The following OPCML variants were observed in gnomAD, a reference collection of about 807,000 sequenced individuals.
The protein encoded by OPCML is opioid binding protein/cell adhesion molecule like, also known as opioid-binding protein/cell adhesion molecule.
In OPCML, 13 loss-of-function variants were observed where a neutral mutation model predicts 37.8. That is an observed-to-expected ratio of 0.34 (90% CI 0.22 to 0.55). The LOEUF (loss-of-function observed/expected upper bound fraction) is 0.55, where lower values mean the gene tolerates loss of function less well. OPCML is among the 20% of genes least tolerant of loss of function. OPCML has a pLI of 0.91. For missense variants in OPCML, 341 were observed against 435.6 expected (o/e 0.78, Z 1.93); for synonymous variants, 176 against 168.8 (o/e 1.04, Z -0.33).
chr11:132,928,824 G>T (rs2136620274), intron 2 of OPCML, among the ~76,000 whole-genome samples: 1 of 151,872 alleles, frequency 6.6e-6, no homozygotes, highest in East Asian at 1.9e-4. Context: ...AGGAAAACTG[G>T]AAAATCTACA....
intron 1 of OPCML, among the ~76,000 whole-genome samples, chr11:133,238,275 G>T (rs1940599966): frequency 6.6e-6 from 1 of 152,184 alleles, no homozygotes; most frequent in African/African-American, 2.4e-5. Flanking sequence ...TCCATAGGTG[G>T]CTGTTGGGCA....
intron 1 of OPCML, among the ~76,000 whole-genome samples, chr11:133,062,431 G>A (rs979832300): frequency 6.6e-6 from 1 of 152,178 alleles, no homozygotes; most frequent in Non-Finnish European, 1.5e-5. Context: ...GACAAATACT[G>A]CTGAGTAGTT....
intron 1 of OPCML, among the ~76,000 whole-genome samples, chr11:132,962,965 C>G (rs1160239145): frequency 6.6e-6 from 1 of 152,180 alleles, no homozygotes; most frequent in Non-Finnish European, 1.5e-5. Flanking sequence ...CCAGACAGAG[C>G]AGGAGGCCTG....
intron 1 of OPCML, among the ~76,000 whole-genome samples, chr11:133,491,805 C>A (rs974904579): frequency 1.3e-5 from 2 of 152,120 alleles, no homozygotes; most frequent in Admixed American, 6.5e-5. Flanking sequence ...ATTCAGTTAG[C>A]AGAGCCGAAA....
At chr11:133,514,390 GA>G (rs1948219684) in intron 1 of OPCML, among the ~76,000 whole-genome samples, 1 of 152,158 alleles carries the variant, frequency 6.6e-6, no homozygotes, top group Non-Finnish European at 1.5e-5. Flanking sequence ...AAGAGAGAGG[GA>G]AAAACCAAAC....
intron 7 of OPCML, among the ~76,000 whole-genome samples, chr11:132,427,485 A>C (rs2136684274): frequency 6.6e-6 from 1 of 152,292 alleles, no homozygotes; most frequent in South Asian, 2.1e-4. Flanking sequence ...ACAGCGGCAA[A>C]CGTGGCGCTG....
At chr11:133,011,919 T>G (rs528057827) in intron 1 of OPCML, among the ~76,000 whole-genome samples, 2 of 152,304 alleles carry the variant, frequency 1.3e-5, no homozygotes, top group East Asian at 3.9e-4. Context: ...AGTGCTGCCA[T>G]TGTAGGTCAA....
intron 3 of OPCML, among the ~76,000 whole-genome samples, chr11:132,620,212 C>T (rs773889461): frequency 6.6e-6 from 1 of 152,102 alleles, no homozygotes. Flanking sequence ...AGAATGAATC[C>T]AAGTCAGAGC....
At chr11:133,117,747 T>C (rs1301011106) in intron 1 of OPCML, 1 of 960,488 alleles carries the variant, frequency 1.0e-6, no homozygotes, top group Non-Finnish European at 1.2e-6. Flanking sequence ...AAAATGAAAG[T>C]AATGTACAAT....
At chr11:132,815,367 G>T (rs933167063) in intron 2 of OPCML, among the ~76,000 whole-genome samples, 1 of 152,194 alleles carries the variant, frequency 6.6e-6, no homozygotes, top group Non-Finnish European at 1.5e-5. Flanking sequence ...AAGTACGTGA[G>T]GATGGGAAGG....
At chr11:133,495,737 C>T (rs1007610254) in intron 1 of OPCML, among the ~76,000 whole-genome samples, 3 of 151,258 alleles carry the variant, frequency 2.0e-5, no homozygotes, top group African/African-American at 7.3e-5. Flanking sequence ...CTTAACCCAC[C>T]TTTTGATGGG....
At chr11:132,775,367 G>T (rs1946775874) in intron 2 of OPCML, among the ~76,000 whole-genome samples, 1 of 152,200 alleles carries the variant, frequency 6.6e-6, no homozygotes, top group African/African-American at 2.4e-5. Flanking sequence ...GATTTGATGT[G>T]TTGTGATTGC....
rs188147666 is a variant in OPCML at position 133,503,127 on chromosome 11, G to A, written c.61+29137C>T. ...CTAAGCTCCGTGATGGTTTTCTCAC[G>A]TCCTTTTTGCATAAAGAAAGTGAGT... On this transcript the variant is annotated intron_variant, in intron 1 of 7. Transcript: ENST00000524381. Among the ~76,000 whole-genome samples the A allele has an allele frequency of 1.4e-4, 22 of 152,228 alleles. No homozygotes were observed. In the East Asian group the frequency reaches 2.1e-3, roughly 15 times the overall value.
intron 7 of OPCML, among the ~76,000 whole-genome samples, chr11:132,427,452 C>G (rs1307535653): frequency 6.6e-6 from 1 of 152,164 alleles, no homozygotes; most frequent in Non-Finnish European, 1.5e-5. Context: ...TCAAAGGGAA[C>G]TTTTCCTCCA....
chr11:132,435,561 A>G (rs948611392), intron 7 of OPCML, among the ~76,000 whole-genome samples: 1 of 151,522 alleles, frequency 6.6e-6, no homozygotes, highest in Admixed American at 6.6e-5. Context: ...CTCCACCCAT[A>G]TGGGAGGGAA....
In OPCML at chr11:132,840,624, G is replaced by A. The variant is rs116631579; in HGVS notation, c.146+102302C>T. Among the ~76,000 whole-genome samples the A allele has an allele frequency of 2.7e-3, 405 of 152,290 alleles. 6 individuals are homozygous for A. The highest frequency in any genetic ancestry group is 9.3e-3 in the African/African-American group (385 of 41,558). On this transcript the variant is annotated intron_variant, in intron 2 of 7. Transcript: ENST00000524381. Reference sequence around the variant, plus strand: ...ACCTCATTTCCCTAATCCACAGAAAGGGTGTCATAAAATTATTATCACAAG... The same window carrying A: ...ACCTCATTTCCCTAATCCACAGAAAAGGTGTCATAAAATTATTATCACAAG...
At position 133,309,095 on chromosome 11, in the gene OPCML, G is replaced by A. The variant is rs181681067; in HGVS notation, c.61+223169C>T. Among the ~76,000 whole-genome samples, 14 of 152,260 alleles carry A rather than the reference G, an allele frequency of 9.2e-5. No homozygotes were observed. The South Asian group carries it at 2.9e-3, about 32-fold the overall frequency. On this transcript the variant is annotated intron_variant, in intron 1 of 7. Coordinates refer to ENST00000524381, the MANE Select transcript of OPCML (RefSeq NM_001012393.5). ...GAAGTTTACAGTAATGATTGCTTCA[G>A]ACAAGAACCACTGATGAATACTCAA...
intron 2 of OPCML, among the ~76,000 whole-genome samples, chr11:132,899,835 G>C (rs534051719): frequency 4.6e-5 from 7 of 152,108 alleles, no homozygotes; most frequent in African/African-American, 1.4e-4. Flanking sequence ...TTCTTTCCTG[G>C]AGCTCGGATA....
At chr11:133,171,977 T>C (rs1484273977) in intron 1 of OPCML, among the ~76,000 whole-genome samples, 2 of 152,310 alleles carry the variant, frequency 1.3e-5, no homozygotes, top group African/African-American at 4.8e-5. Context: ...GTTCCTTCCA[T>C]AGCATGTGAA....
Sources: allele counts gnomAD v4.1 joint callset (sites outside exome capture counted in the v4.1 genomes callset), GRCh38; gene constraint gnomAD v4.1.1; transcripts MANE v1.5; gene names NCBI Gene and HGNC (gene_info 2026-07-23, HGNC 2026-07-21).